The following GLB1 variants were observed in gnomAD, a reference collection of about 807,000 sequenced individuals.
GLB1 encodes galactosidase beta 1, also known as beta-galactosidase.
GLB1 carries 56 observed loss-of-function variants against 74.0 expected under a neutral mutation model. The observed-to-expected ratio is 0.76, with a 90% CI of 0.61 to 0.94. GLB1 has a LOEUF of 0.94. Among genes scored for constraint, GLB1 ranks in the 40% least tolerant of loss-of-function variants. GLB1 has a pLI of 0.00. For synonymous variants in GLB1, 323 were observed against 323.6 expected (o/e 1.00, Z 0.02); for missense variants, 787 against 845.5 (o/e 0.93, Z 0.86).
chr3:32,997,161 C>A lies in GLB1; in HGVS notation c.1918G>T (p.Asp640Tyr), dbSNP rs398123352. The change falls in exon 16 of 16, where the codon GAC (aspartate) becomes TAC (tyrosine). Residue 640 changes from aspartate to tyrosine, a missense_variant. Asp to Tyr is a radical substitution (Grantham distance 160, BLOSUM62 -3). Transcript: ENST00000307363. ...DPELCAVTFV[D>Y]RPVIGSSVTY... ...ACAGATGAGCCAATAACTGGCCTGT[C>A]CACGAACGTCACAGCACATAGTTCT... 1.9e-6 allele frequency: 3 copies of A among 1,613,966 alleles called. No homozygotes were observed. Among genetic ancestry groups the A allele is most frequent in the Non-Finnish European group, 8.5e-7 (1 of 1,180,040 alleles).
chr3:33,093,194 C>T lies in GLB1; in HGVS notation c.75+3817G>A. On this transcript the variant is annotated intron_variant, in intron 1 of 15. Transcript: ENST00000307363. This position sits in a 1 kb window ranked among gnomAD's most constrained non-coding sequence, Gnocchi z 6.0. ...GCAGGATGTCTGCTTCAATATCGTC[C>T]ACCCCAGCCAAGCAGATCCAGTCCT... 1 of 1,613,974 alleles carries T rather than the reference C, an allele frequency of 6.2e-7. No individual in the cohort carries two copies. Among genetic ancestry groups the T allele is most frequent in the Non-Finnish European group, 8.5e-7 (1 of 1,179,964 alleles).
At chr3:33,046,279 T>C (rs1375218639) in intron 9 of GLB1, 47 bp from the exon 10 acceptor site, 2 of 1,607,730 alleles carry the variant, frequency 1.2e-6, no homozygotes, top group East Asian at 2.2e-5. Flanking sequence ...GGTGCAGCTC[T>C]GGGACAAGTT....
intron 1 of GLB1, among the ~76,000 whole-genome samples, chr3:33,075,302 G>C (rs181088468): frequency 9.8e-4 from 150 of 152,302 alleles, no homozygotes; most frequent in Middle Eastern, 3.4e-3. Flanking sequence ...GAAAAGGGTA[G>C]AGCTGTTTGA....
At chr3:33,077,279 G>A (rs1415406561) in intron 1 of GLB1, 2 of 1,573,286 alleles carry the variant, frequency 1.3e-6, no homozygotes, top group Non-Finnish European at 1.7e-6. Flanking sequence ...GGCAGGGCAG[G>A]AGGGTTCTGT....
chr3:33,026,628 C>T (rs551006613), intron 10 of GLB1, among the ~76,000 whole-genome samples: 1 of 152,062 alleles, frequency 6.6e-6, no homozygotes, highest in Non-Finnish European at 1.5e-5. Context: ...TGCCAATGGC[C>T]GCCATGGTCC....
intron 10 of GLB1, chr3:33,030,732 A>C: frequency 4.1e-6 from 4 of 985,436 alleles, no homozygotes; most frequent in Non-Finnish European, 4.8e-6. Flanking sequence ...CCAATTATCA[A>C]GGTCCTCACT....
Position 33,018,489 on chromosome 3 carries a change from G to C in GLB1, c.1306C>G (p.Leu436Val), listed in dbSNP as rs34421970. 4.3e-6 allele frequency: 7 copies of C among 1,613,994 alleles called. No homozygotes were observed. Among genetic ancestry groups the C allele is most frequent in the Admixed American group, 1.7e-5 (1 of 59,974 alleles). The change falls in exon 13 of 16, where the codon CTC becomes GTC. Residue 436 changes from leucine (L) to valine (V), a missense_variant. By Grantham distance (32) the Leu-to-Val change is conservative (BLOSUM62 1). Coordinates refer to ENST00000307363, the MANE Select transcript of GLB1 (RefSeq NM_000404.4). ...CSNPAPLSSP[L>V]NGVHDRAYVA... ...TATGCTCGATCGTGGACTCCATTGA[G>C]GGGTGAAGAGAGAGGTGCTGGGTTG...
In GLB1 at chr3:33,034,441, T is replaced by C. The variant is rs1296999035; in HGVS notation, c.1069-10116A>G. ...GTGGCTGTGACAACCTCTTCAAGGA[T>C]GGCCAGTGGAAGGAGAGCAGAAGCT... On this transcript the variant is annotated intron_variant, in intron 10 of 15. Coordinates refer to ENST00000307363, the MANE Select transcript of GLB1 (RefSeq NM_000404.4). 2.6e-5 allele frequency: 19 copies of C among 734,606 alleles called. No individual in the cohort carries two copies. In the East Asian group the frequency reaches 4.7e-4, roughly 18 times the overall value. 45.5% of individuals were successfully genotyped at this position (734,606 alleles called of 1,614,324 possible).
chr3:32,987,908 G>A, the GLB1 span, among the ~76,000 whole-genome samples: 2 of 152,098 alleles, frequency 1.3e-5, no homozygotes, highest in Non-Finnish European at 2.9e-5. Context: ...TTAGAGGCTG[G>A]GTACGGTGGC....
intron 14 of GLB1, among the ~76,000 whole-genome samples, chr3:33,015,440 C>A (rs79659310): frequency 6.2e-4 from 95 of 152,314 alleles, no homozygotes; most frequent in African/African-American, 2.2e-3. Context: ...TTGTTCCACA[C>A]AGGCCAGGGC....
intron 1 of GLB1, chr3:33,092,799 AAGGGCAGGGCAGAGGTGCAC>A (rs1293273941): frequency 1.3e-6 from 2 of 1,549,452 alleles, no homozygotes; most frequent in South Asian, 1.2e-5. Flanking sequence ...GGTCGAGGAC[AAGGGCAGGGCAGAGGTGCAC>A]AGGGCAGGGC....
chr3:33,024,462 T>A, intron 10 of GLB1, 137 bp from the exon 11 acceptor site: 1 of 897,322 alleles, frequency 1.1e-6, no homozygotes, highest in Non-Finnish European at 1.7e-6. Flanking sequence ...TCAAAGGAAC[T>A]AGAGACTTCT....
Position 33,053,690 on chromosome 3 carries a change from C to T in GLB1, c.734-141G>A, listed in dbSNP as rs903676161. 19 of 1,116,174 alleles carry T rather than the reference C, an allele frequency of 1.7e-5. No homozygotes were observed. The Admixed American group carries it at 2.2e-4, about 13-fold the overall frequency. 69.1% of individuals were successfully genotyped at this position (1,116,174 alleles called of 1,614,324 possible). ...TCCCCCCAAAATTCTCATGTTGGAA[C>T]TTAACACCCAAGATGATAGTATTAA... On this transcript the variant is annotated intron_variant, in intron 6 of 15. Coordinates refer to ENST00000307363, the MANE Select transcript of GLB1 (RefSeq NM_000404.4).
chr3:33,027,010 T>C (rs1261495747), intron 10 of GLB1, among the ~76,000 whole-genome samples: 1 of 152,214 alleles, frequency 6.6e-6, no homozygotes, highest in Non-Finnish European at 1.5e-5. Context: ...GTAACACAAA[T>C]AGGGCTGAAA....
At chr3:33,075,988 T>C (rs1040718916) in intron 1 of GLB1, among the ~76,000 whole-genome samples, 7 of 147,412 alleles carry the variant, frequency 4.7e-5, no homozygotes, top group Non-Finnish European at 1.0e-4. Flanking sequence ...GAGCTTGCAG[T>C]GAGCCGAGAT....
At chr3:33,031,108 C>G (rs538463218) in intron 10 of GLB1, among the ~76,000 whole-genome samples, 28 of 152,326 alleles carry the variant, frequency 1.8e-4, no homozygotes, top group Admixed American at 4.6e-4. Flanking sequence ...ATGCAGCCTG[C>G]TGGGAGATTA....
Position 33,051,963 on chromosome 3 carries a change from GC to G in GLB1, c.833del (p.Gly278AlafsTer26). ...EFYTGWLDHW[G>X]QPHSTIKTEA... ...CGGTCTTGATTGTGGAGTGAGGTTG[GC>G]CCCAGTGATCTAGCCAGCCAGTATA... On this transcript the variant is annotated frameshift_variant, in exon 8 of 16. Transcript: ENST00000307363. LOFTEE classifies it high-confidence loss of function. The G allele has an allele frequency of 6.2e-7, 1 of 1,614,192 alleles. No homozygotes were observed. Among genetic ancestry groups the G allele is most frequent in the Non-Finnish European group, 8.5e-7 (1 of 1,180,034 alleles).
At chr3:32,965,583 A>G in the GLB1 span, among the ~76,000 whole-genome samples, 1 of 152,210 alleles carries the variant, frequency 6.6e-6, no homozygotes, top group East Asian at 1.9e-4. Context: ...AAAAGAAAAA[A>G]AAAACATTTT....
intron 1 of GLB1, chr3:33,077,158 T>G (rs776697009): frequency 3.4e-6 from 5 of 1,452,850 alleles, no homozygotes; most frequent in Non-Finnish European, 4.6e-6. Flanking sequence ...CGGTGCAGTC[T>G]TGGTACCTCT....
Sources: allele counts gnomAD v4.1 joint callset (sites outside exome capture counted in the v4.1 genomes callset), GRCh38; gene constraint gnomAD v4.1.1; non-coding constraint Gnocchi (gnomAD v3.1); transcripts MANE v1.5; gene names NCBI Gene and HGNC (gene_info 2026-07-23, HGNC 2026-07-21).